PDE3A: variants seen among roughly 807,000 people sequenced by gnomAD.
The protein encoded by PDE3A is phosphodiesterase 3A.
PDE3A carries 43 observed loss-of-function variants against 98.3 expected under a neutral mutation model. The ratio of observed to expected loss-of-function variants is 0.44; its 90% CI spans 0.34 to 0.56. The LOEUF (loss-of-function observed/expected upper bound fraction) is 0.56, where lower values mean the gene tolerates loss of function less well. Ranked by LOEUF, PDE3A falls within the 20% of genes least tolerant of loss-of-function variation. The pLI, the probability that PDE3A is intolerant of heterozygous loss-of-function variation, is 0.01. For synonymous variants in PDE3A, 663 were observed against 567.9 expected, an observed-to-expected ratio of 1.17 and a Z score of -2.38; for missense variants, 1,427 against 1,440.7, an observed-to-expected ratio of 0.99 and a Z score of 0.15.
chr12:20,644,429 G>A (rs1004196571), intron 10 of PDE3A, among the ~76,000 whole-genome samples: 4 of 151,884 alleles, frequency 2.6e-5, no homozygotes, highest in African/African-American at 7.3e-5. Flanking sequence ...TATTATTCCC[G>A]TATTTTTAAG....
At chr12:20,603,686 C>T (rs548698777) in intron 2 of PDE3A, among the ~76,000 whole-genome samples, 2 of 152,208 alleles carry the variant, frequency 1.3e-5, no homozygotes, top group South Asian at 4.1e-4. Flanking sequence ...TCTTTGCACA[C>T]ACAATCTTTC....
chr12:20,573,006 C>G (rs1398101177), intron 2 of PDE3A, among the ~76,000 whole-genome samples: 2 of 152,092 alleles, frequency 1.3e-5, no homozygotes, highest in East Asian at 3.9e-4. Context: ...AATTTCCAAA[C>G]TTGGGAGTTG....
chr12:20,481,930 A>G (rs1185082660), intron 1 of PDE3A, among the ~76,000 whole-genome samples: 2 of 148,886 alleles, frequency 1.3e-5, no homozygotes, highest in Non-Finnish European at 2.9e-5. Context: ...ACGCCCAGCT[A>G]ATTTTTTGTA....
Position 20,677,136 on chromosome 12 carries a change from G to A in PDE3A, c.3185-2894G>A, listed in dbSNP as rs1282349701. 2.6e-5 allele frequency among the ~76,000 whole-genome samples: 4 copies of A among 152,048 alleles called. No homozygotes were observed. In the South Asian group the frequency reaches 8.3e-4, roughly 32 times the overall value. The stretch of plus-strand genomic sequence containing the variant: ...GATATAGTCTATTGTTAAAACTTTT[G>A]AATGTATTTTGTATTTCTTTCAATG... On this transcript the variant is annotated intron_variant, in intron 15 of 15. Coordinates refer to ENST00000359062, the MANE Select transcript of PDE3A (RefSeq NM_000921.5).
At position 20,552,575 on chromosome 12, in the gene PDE3A, G is replaced by A. The variant is rs1942243045; in HGVS notation, c.961-4085G>A. 2 of 1,613,764 alleles carry A rather than the reference G, an allele frequency of 1.2e-6. No homozygotes were observed. The highest frequency in any genetic ancestry group is 2.2e-5 in the East Asian group (1 of 44,838). On this transcript the variant is annotated intron_variant, in intron 1 of 15. Coordinates refer to ENST00000359062, the MANE Select transcript of PDE3A (RefSeq NM_000921.5). The surrounding 1 kb of genome is among the most constrained non-coding windows in gnomAD (Gnocchi z 5.1). ...AGGACGGGCAAGGGCAAGTGGAAGC[G>A]GAAGTCGGCAGGAGGTGGCCCGAGC...
At chr12:20,541,075 CTTTTTTTTTTTTTTTTTTTT>C (rs777927679) in intron 1 of PDE3A, among the ~76,000 whole-genome samples, 139 of 52,988 alleles carry the variant, frequency 2.6e-3, no homozygotes, top group Admixed American at 3.3e-3. Context: ...TGGTAACTTT[CTTTTTTTTTTTTTTTTTTTT>C]TTTTTTTTTT....
At chr12:20,607,925 C>A (rs1450577803) in intron 2 of PDE3A, among the ~76,000 whole-genome samples, 3 of 152,098 alleles carry the variant, frequency 2.0e-5, no homozygotes, top group Admixed American at 6.6e-5. Flanking sequence ...TAAAACATTT[C>A]TGAGTACCAT....
chr12:20,647,062 T>C (rs929643208), intron 12 of PDE3A, 112 bp downstream of exon 12: 2 of 682,246 alleles, frequency 2.9e-6, no homozygotes, highest in Non-Finnish European at 5.1e-6. Context: ...CTATACATAG[T>C]CTTACGTTGA....
Position 20,401,567 on chromosome 12 carries a change from G to A in PDE3A, c.960+31323G>A, listed in dbSNP as rs77772871. 7.1e-4 allele frequency among the ~76,000 whole-genome samples: 108 copies of A among 152,014 alleles called. 1 individual carries two copies. The highest frequency in any genetic ancestry group is 2.3e-3 in the African/African-American group (97 of 41,456). On this transcript the variant is annotated intron_variant, in intron 1 of 15. Coordinates refer to ENST00000359062, the MANE Select transcript of PDE3A (RefSeq NM_000921.5). ...TCCTACTTCTGTCTACCACATTATT[G>A]CCCTCTGCCCCTAATTCTCATCTCT...
At chr12:20,572,771 A>G (rs1470772396) in intron 2 of PDE3A, among the ~76,000 whole-genome samples, 1 of 152,126 alleles carries the variant, frequency 6.6e-6, no homozygotes, top group African/African-American at 2.4e-5. Context: ...CAAATTATAC[A>G]AGTGATTTTA....
At chr12:20,662,909 A>C (rs1945210835) in intron 15 of PDE3A, among the ~76,000 whole-genome samples, 1 of 152,122 alleles carries the variant, frequency 6.6e-6, no homozygotes, top group South Asian at 2.1e-4. Context: ...CATGTCAGAG[A>C]CCTTAGTGGC....
intron 1 of PDE3A, among the ~76,000 whole-genome samples, chr12:20,524,590 G>A (rs1180530338): frequency 3.3e-5 from 5 of 151,680 alleles, no homozygotes; most frequent in Non-Finnish European, 5.9e-5. Context: ...AAATTAAAGA[G>A]CACATATAAC....
At chr12:20,386,610 G>T (rs1001493266) in intron 1 of PDE3A, among the ~76,000 whole-genome samples, 6 of 151,904 alleles carry the variant, frequency 3.9e-5, no homozygotes, top group Non-Finnish European at 8.8e-5. Context: ...CAAAATGTGG[G>T]ATTATAAGTG....
Position 20,684,616 on chromosome 12 carries a change from G to A in PDE3A, c.*4345G>A, listed in dbSNP as rs1475885652. On this transcript the variant is annotated 3_prime_UTR_variant, in exon 16 of 16. Transcript: ENST00000359062. ...CATTTTATGACCATTGTCCTAGGTC[G>A]TTTGTGTCTTTATGAATTTGCTGAT... is the stretch of plus-strand genomic sequence containing the variant. 6.6e-5 allele frequency among the ~76,000 whole-genome samples: 10 copies of A among 152,134 alleles called. No individual in the cohort carries two copies. The highest frequency in any genetic ancestry group is 1.2e-4 in the African/African-American group (5 of 41,428).
chr12:20,641,997 C>A (rs1246408401), intron 10 of PDE3A, among the ~76,000 whole-genome samples: 1 of 152,000 alleles, frequency 6.6e-6, no homozygotes, highest in Non-Finnish European at 1.5e-5. Context: ...TTATTAAAAT[C>A]TTCACTTATC....
In PDE3A at chr12:20,654,064, T is replaced by A; in HGVS notation, c.3043T>A (p.Ser1015Thr). 1 of 1,614,050 alleles carries A rather than the reference T, an allele frequency of 6.2e-7. No homozygotes were observed. Among genetic ancestry groups the A allele is most frequent in the Admixed American group, 1.7e-5 (1 of 60,014 alleles). ...TCACATTGTGGGGCCTCTGTGCAAC[T>A]CCTATGATTCAGCAGGACTAATGCC... ...ISHIVGPLCN[S>T]YDSAGLMPGK... Residue 1015 changes from serine to threonine, a missense_variant, in exon 15 of 16, where the codon TCC (serine) becomes ACC (threonine). Around this residue, in one of 3 missense-constraint regions of PDE3A, gnomAD observed 273 missense variants for 420.3 expected, o/e 0.65. Coordinates refer to ENST00000359062, the MANE Select transcript of PDE3A (RefSeq NM_000921.5).
chr12:20,567,751 A>T (rs1048440180), intron 2 of PDE3A, among the ~76,000 whole-genome samples: 1 of 151,928 alleles, frequency 6.6e-6, no homozygotes, highest in East Asian at 1.9e-4. Flanking sequence ...ATGACACATG[A>T]TATGACCAGG....
rs1190231942 is a variant in PDE3A at position 20,681,873 on chromosome 12, GA to G, written c.*1603del. 2 of 152,024 alleles carry G rather than the reference GA, an allele frequency of 1.3e-5. No individual in the cohort carries two copies. The highest frequency in any genetic ancestry group is 1.5e-5 in the Non-Finnish European group (1 of 67,996). 9.4% of individuals were successfully genotyped at this position (152,024 alleles called of 1,614,324 possible). A position where few individuals can be genotyped will look rare whatever the true frequency, so the allele number is the denominator to read the frequency against. Reference sequence around the variant, plus strand: ...ATAGTTATCTTGATGTAAATATGAAGATTTTTTTGTTTCTGTAGATAGTAAA... The same window carrying G: ...ATAGTTATCTTGATGTAAATATGAAGTTTTTTTGTTTCTGTAGATAGTAAA... On this transcript the variant is annotated 3_prime_UTR_variant, in exon 16 of 16. Coordinates refer to ENST00000359062, the MANE Select transcript of PDE3A (RefSeq NM_000921.5).
chr12:20,437,380 A>ATTCT (rs1160105564), intron 1 of PDE3A, among the ~76,000 whole-genome samples: 9 of 152,166 alleles, frequency 5.9e-5, no homozygotes, highest in Admixed American at 5.9e-4. Flanking sequence ...CCATTCTTGC[A>ATTCT]TACCTAAGGT....
Sources: gnomAD v4.1 joint callset for allele counts (sites outside exome capture counted in the v4.1 genomes callset) on GRCh38, gnomAD v4.1.1 for gene constraint, gnomAD v4.1.1 regional missense constraint, Gnocchi (gnomAD v3.1) non-coding constraint, MANE v1.5 for transcripts, NCBI Gene and HGNC (gene_info 2026-07-23, HGNC 2026-07-21) for gene names.